HACE1: variants seen among roughly 807,000 people sequenced by gnomAD.
HACE1 encodes E3 ubiquitin-protein ligase HACE1.
Under a neutral mutation model 118.4 loss-of-function variants are expected in HACE1, and 73 were observed. The observed-to-expected ratio is 0.62, with a 90% CI of 0.51 to 0.75. The LOEUF (loss-of-function observed/expected upper bound fraction) is 0.75, where lower values mean the gene tolerates loss of function less well. Ranked by LOEUF, HACE1 falls within the 30% of genes least tolerant of loss-of-function variation. The pLI, the probability that HACE1 is intolerant of heterozygous loss-of-function variation, is 0.00. For missense variants in HACE1, 749 were observed against 1,102.2 expected (o/e 0.68, Z 4.54); for synonymous variants, 368 against 374.8 (o/e 0.98, Z 0.21).
chr6:104,810,972 T>C (rs1246468967), intron 7 of HACE1, among the ~76,000 whole-genome samples: 3 of 152,066 alleles, frequency 2.0e-5, no homozygotes, highest in African/African-American at 4.8e-5. Flanking sequence ...CTTTTGTTAA[T>C]AAGTACTTAG....
rs1185868496 is a variant in HACE1 at position 104,728,599 on chromosome 6, T to C, written c.*1063A>G. 6.6e-6 allele frequency: 1 copy of C among 152,218 alleles called. No homozygotes were observed. The highest frequency in any genetic ancestry group is 1.9e-4 in the East Asian group (1 of 5,198). 9.4% of individuals were successfully genotyped at this position (152,218 alleles called of 1,614,324 possible). ...AGTAATGTCATTAATATTCTATTTT[T>C]AGTTTCCAAGGGAAGATCCTAAACA... On this transcript the variant is annotated 3_prime_UTR_variant, in exon 24 of 24. Coordinates refer to ENST00000262903, the MANE Select transcript of HACE1 (RefSeq NM_020771.4).
chr6:104,854,622 A>G (rs954148050), intron 1 of HACE1, among the ~76,000 whole-genome samples: 1 of 152,072 alleles, frequency 6.6e-6, no homozygotes, highest in Non-Finnish European at 1.5e-5. Flanking sequence ...AAACTGTAAA[A>G]GGACATTTTT....
Position 104,795,450 on chromosome 6 carries a change from A to C in HACE1, c.923+129T>G, listed in dbSNP as rs914674561. 5.6e-6 allele frequency: 4 copies of C among 709,486 alleles called. No individual in the cohort carries two copies. In the African/African-American group the frequency reaches 7.0e-5, roughly 12 times the overall value. 43.9% of individuals were successfully genotyped at this position (709,486 alleles called of 1,614,324 possible). A position where few individuals can be genotyped will look rare whatever the true frequency, so the allele number is the denominator to read the frequency against. On this transcript the variant is annotated intron_variant, in intron 10 of 23. Transcript: ENST00000262903. ...ACCCTGGTCCTTTCAAACAAAACAA[A>C]CCAGAAGTCAGCAAATTTTTATAAC...
At chr6:104,784,558 T>C (rs1782138192) in intron 12 of HACE1, 73 bp from the exon 13 acceptor site, 4 of 1,008,598 alleles carry the variant, frequency 4.0e-6, no homozygotes, top group African/African-American at 1.6e-5. Context: ...TTGATAAATA[T>C]ATACTGAACT....
At chr6:104,759,004 GA>G (rs1171260243) in intron 19 of HACE1, among the ~76,000 whole-genome samples, 3 of 152,072 alleles carry the variant, frequency 2.0e-5, no homozygotes, top group African/African-American at 7.2e-5. Flanking sequence ...AGAGCTAAAT[GA>G]CCTAAATATG....
intron 23 of HACE1, 96 bp from the exon 24 acceptor site, chr6:104,729,860 AATC>A (rs973903485): frequency 4.2e-6 from 3 of 711,866 alleles, no homozygotes; most frequent in Non-Finnish European, 7.6e-6. Context: ...ATTAACATAA[AATC>A]ATCCTCCCAA....
At chr6:104,815,480 G>A (rs1321890709) in intron 6 of HACE1, among the ~76,000 whole-genome samples, 1 of 135,260 alleles carries the variant, frequency 7.4e-6, no homozygotes, top group Admixed American at 7.3e-5. Context: ...TGATTCTCCC[G>A]CCTCCCAGGT....
At chr6:104,818,570 G>A (rs948211464) in intron 6 of HACE1, among the ~76,000 whole-genome samples, 24 of 152,086 alleles carry the variant, frequency 1.6e-4, no homozygotes, top group Non-Finnish European at 2.9e-4. Flanking sequence ...AAACCTGGCA[G>A]AGATACAATA....
chr6:104,844,305 G>T (rs1246566956), intron 4 of HACE1, among the ~76,000 whole-genome samples: 1 of 151,082 alleles, frequency 6.6e-6, no homozygotes, highest in Non-Finnish European at 1.5e-5. Flanking sequence ...AAAGTGCAGG[G>T]ATTACAGGCG....
chr6:104,755,202 T>C (rs999012916), intron 19 of HACE1, among the ~76,000 whole-genome samples: 2 of 152,032 alleles, frequency 1.3e-5, no homozygotes, highest in African/African-American at 2.4e-5. Context: ...CATTACATAA[T>C]GGTAAAAGGT....
At chr6:104,807,790 T>C (rs974365837) in intron 7 of HACE1, among the ~76,000 whole-genome samples, 1 of 152,198 alleles carries the variant, frequency 6.6e-6, no homozygotes, top group African/African-American at 2.4e-5. Flanking sequence ...TATAATGTCC[T>C]GTCCAGAGTA....
chr6:104,795,516 C>T (rs1783514746), intron 10 of HACE1, 63 bp downstream of exon 10: 3 of 942,686 alleles, frequency 3.2e-6, no homozygotes, highest in Admixed American at 3.4e-5. Flanking sequence ...GAATAAACTA[C>T]TCAGGAGGTG....
intron 11 of HACE1, chr6:104,787,258 C>G (rs1343711159): frequency 1.3e-5 from 2 of 152,148 alleles, no homozygotes; most frequent in Non-Finnish European, 2.9e-5. Context: ...AAATTATACC[C>G]TCCTTCGAAG....
intron 20 of HACE1, among the ~76,000 whole-genome samples, chr6:104,747,165 T>C (rs1205305991): frequency 2.6e-5 from 4 of 152,200 alleles, no homozygotes; most frequent in Non-Finnish European, 5.9e-5. Context: ...AATTCATCTG[T>C]TGGAACTATG....
rs576912143 is a variant in HACE1 at position 104,748,403 on chromosome 6, GAATGGA to G, written c.2343+1932_2343+1937del. Among the ~76,000 whole-genome samples, 11 of 152,236 alleles carry G rather than the reference GAATGGA, an allele frequency of 7.2e-5. No homozygotes were observed. In the East Asian group the frequency reaches 1.9e-3, roughly 27 times the overall value. On this transcript the variant is annotated intron_variant, in intron 20 of 23. Transcript: ENST00000262903. ...AGGAAAGACCACTACTGAATTACCA[GAATGGA>G]AATGAAAAAGATGGAAAATTATCAA...
chr6:104,834,513 A>G (rs1774334111), intron 5 of HACE1, among the ~76,000 whole-genome samples: 1 of 152,208 alleles, frequency 6.6e-6, no homozygotes, highest in African/African-American at 2.4e-5. Flanking sequence ...CATTAAAAAG[A>G]AAATCATGAA....
chr6:104,790,750 G>A lies in HACE1; in HGVS notation c.1074+754C>T, dbSNP rs185366547. Among the ~76,000 whole-genome samples the A allele has an allele frequency of 3.4e-4, 51 of 152,052 alleles. No homozygotes were observed. In the East Asian group the frequency reaches 8.7e-3, roughly 26 times the overall value. On this transcript the variant is annotated intron_variant, in intron 11 of 23. Transcript: ENST00000262903. Reference sequence around the variant, plus strand: ...AGCCTAGGCAACAGAGTGAGGCTCCGTTTCAAAAAATAAATACATGAAGAA... The same window carrying A: ...AGCCTAGGCAACAGAGTGAGGCTCCATTTCAAAAAATAAATACATGAAGAA...
chr6:104,856,614 TTAG>T (rs1368029450), intron 1 of HACE1, among the ~76,000 whole-genome samples: 4 of 152,110 alleles, frequency 2.6e-5, no homozygotes, highest in Non-Finnish European at 5.9e-5. Context: ...TTTTGTATTT[TTAG>T]TAGAGCCGGG....
At chr6:104,797,991 C>G (rs1171100424) in intron 7 of HACE1, among the ~76,000 whole-genome samples, 1 of 151,276 alleles carries the variant, frequency 6.6e-6, no homozygotes, top group Non-Finnish European at 1.5e-5. Flanking sequence ...TCACTTGAAC[C>G]CGGGAGGCAG....
Sources: allele counts gnomAD v4.1 joint callset (sites outside exome capture counted in the v4.1 genomes callset), GRCh38; gene constraint gnomAD v4.1.1; transcripts MANE v1.5; gene names NCBI Gene and HGNC (gene_info 2026-07-23, HGNC 2026-07-21).